CCNY: variants seen among roughly 807,000 people sequenced by gnomAD.
CCNY encodes cyclin Y.
CCNY carries 19 observed loss-of-function variants against 42.8 expected under a neutral mutation model. The observed-to-expected ratio is 0.44, with a 90% CI of 0.31 to 0.65. The LOEUF is 0.65. CCNY is among the 30% of genes least tolerant of loss of function. The pLI, the probability that CCNY is intolerant of heterozygous loss-of-function variation, is 0.07. For synonymous variants in CCNY, 165 were observed against 162.7 expected (o/e 1.01, Z -0.11); for missense variants, 370 against 437.3 (o/e 0.85, Z 1.37).
At chr10:35,450,729 G>C (rs755363564) in intron 1 of CCNY, among the ~76,000 whole-genome samples, 1 of 150,916 alleles carries the variant, frequency 6.6e-6, no homozygotes, top group Non-Finnish European at 1.5e-5. Context: ...TACCTTTTGT[G>C]TATCAGTATT....
At chr10:35,440,131 G>A (rs1231478555) in intron 1 of CCNY, among the ~76,000 whole-genome samples, 1 of 152,230 alleles carries the variant, frequency 6.6e-6, no homozygotes, top group Admixed American at 6.5e-5. Flanking sequence ...TTTGGCGCCT[G>A]TGGAGTAGAG....
intron 1 of CCNY, among the ~76,000 whole-genome samples, chr10:35,369,099 A>G (rs79239573): frequency 9.0e-4 from 137 of 152,332 alleles, no homozygotes; most frequent in Middle Eastern, 3.4e-3. Flanking sequence ...TCCAGGGCCA[A>G]ACATTCAAAA....
At chr10:35,453,645 G>A (rs565294976) in intron 1 of CCNY, among the ~76,000 whole-genome samples, 34 of 152,312 alleles carry the variant, frequency 2.2e-4, no homozygotes, top group Non-Finnish European at 3.4e-4. Context: ...GCATTTGGTA[G>A]GCTTATTTTT....
chr10:35,513,111 G>A (rs1423904545), intron 3 of CCNY, among the ~76,000 whole-genome samples: 1 of 152,126 alleles, frequency 6.6e-6, no homozygotes, highest in Admixed American at 6.6e-5. Flanking sequence ...GGACCTTGAT[G>A]TAAATCATAT....
chr10:35,357,346 C>A (rs1257777016), intron 1 of CCNY, among the ~76,000 whole-genome samples: 4 of 152,206 alleles, frequency 2.6e-5, no homozygotes, highest in African/African-American at 9.6e-5. Context: ...ATGTCTTGCC[C>A]ACTACGATGC....
intron 3 of CCNY, among the ~76,000 whole-genome samples, chr10:35,273,616 A>G (rs1835200303): frequency 6.6e-6 from 1 of 151,990 alleles, no homozygotes; most frequent in South Asian, 2.1e-4. Context: ...AGAGTCCCAA[A>G]CTGTGACCTG....
intron 7 of CCNY, among the ~76,000 whole-genome samples, chr10:35,533,790 C>G (rs1288988709): frequency 6.6e-6 from 1 of 152,154 alleles, no homozygotes; most frequent in Non-Finnish European, 1.5e-5. Flanking sequence ...AATGTCTGGT[C>G]TTTTTGTCCA....
At chr10:35,544,052 A>C (rs1431775088) in intron 7 of CCNY, among the ~76,000 whole-genome samples, 1 of 152,258 alleles carries the variant, frequency 6.6e-6, no homozygotes, top group East Asian at 1.9e-4. Context: ...AAGTTTAAAA[A>C]ATTTTTAAAG....
At chr10:35,260,284 G>A (rs2095718612) in intron 3 of CCNY, among the ~76,000 whole-genome samples, 1 of 152,110 alleles carries the variant, frequency 6.6e-6, no homozygotes, top group Non-Finnish European at 1.5e-5. Flanking sequence ...TGAATCATGG[G>A]ACTTACATTT....
intron 8 of CCNY, among the ~76,000 whole-genome samples, chr10:35,560,304 T>C (rs1291767976): frequency 6.6e-6 from 1 of 152,194 alleles, no homozygotes; most frequent in Non-Finnish European, 1.5e-5. Flanking sequence ...CCCCCTCAAA[T>C]TCACATGCAA....
intron 1 of CCNY, among the ~76,000 whole-genome samples, chr10:35,474,726 A>C (rs1200153119): frequency 6.6e-6 from 1 of 152,134 alleles, no homozygotes; most frequent in African/African-American, 2.4e-5. Flanking sequence ...TGGAAACTCT[A>C]AAAATCAGAG....
intron 7 of CCNY, among the ~76,000 whole-genome samples, chr10:35,547,786 C>T (rs1841147832): frequency 6.6e-6 from 1 of 152,146 alleles, no homozygotes; most frequent in Non-Finnish European, 1.5e-5. Flanking sequence ...GGCCCCTGGG[C>T]TAGATGCTGC....
intron 1 of CCNY, among the ~76,000 whole-genome samples, chr10:35,453,586 C>G (rs1423030769): frequency 6.6e-6 from 1 of 152,174 alleles, no homozygotes; most frequent in Non-Finnish European, 1.5e-5. Context: ...ATACATGATA[C>G]TAATATTTGA....
intron 1 of CCNY, among the ~76,000 whole-genome samples, chr10:35,440,979 T>A (rs1838654323): frequency 1.3e-5 from 2 of 152,194 alleles, no homozygotes; most frequent in Non-Finnish European, 1.5e-5. Flanking sequence ...TTATTTCCAT[T>A]ATATTGCTTT....
At chr10:35,301,146 A>G (rs1835529035) in intron 3 of CCNY, among the ~76,000 whole-genome samples, 1 of 152,124 alleles carries the variant, frequency 6.6e-6, no homozygotes, top group Non-Finnish European at 1.5e-5. Flanking sequence ...TGCTTTAGAG[A>G]GATCACACAA....
chr10:35,305,326 T>G (rs962469374), intron 3 of CCNY, among the ~76,000 whole-genome samples: 2 of 152,224 alleles, frequency 1.3e-5, no homozygotes, highest in African/African-American at 4.8e-5. Flanking sequence ...AAATACATGC[T>G]GTTACTCTTT....
intron 1 of CCNY, among the ~76,000 whole-genome samples, chr10:35,389,034 T>C (rs1180195986): frequency 1.3e-5 from 2 of 152,144 alleles, no homozygotes; most frequent in Admixed American, 6.5e-5. Context: ...TTATAGTCAG[T>C]GGATTAACAA....
chr10:35,422,648 A>G (rs1489272990), intron 1 of CCNY, among the ~76,000 whole-genome samples: 1 of 152,244 alleles, frequency 6.6e-6, no homozygotes, highest in Non-Finnish European at 1.5e-5. Flanking sequence ...TTTATAATTG[A>G]TTAGGCCAAG....
intron 7 of CCNY, among the ~76,000 whole-genome samples, chr10:35,539,117 A>G (rs1840944849): frequency 6.6e-6 from 1 of 152,156 alleles, no homozygotes; most frequent in South Asian, 2.1e-4. Context: ...CCATTTATCT[A>G]TATGTATTTC....
Sources: gnomAD v4.1 joint callset for allele counts (sites outside exome capture counted in the v4.1 genomes callset) on GRCh38, gnomAD v4.1.1 for gene constraint, MANE v1.5 for transcripts, NCBI Gene and HGNC (gene_info 2026-07-23, HGNC 2026-07-21) for gene names.